CSGALNACT1: variants seen among roughly 807,000 people sequenced by gnomAD.
The protein encoded by CSGALNACT1 is beta4GalNAcT-1.
CSGALNACT1 carries 52 observed loss-of-function variants against 51.0 expected under a neutral mutation model. The ratio of observed to expected loss-of-function variants is 1.02; its 90% CI spans 0.82 to 1.29. The LOEUF is 1.29. Among genes scored for constraint, CSGALNACT1 ranks in the 50% most tolerant of loss-of-function variants. The probability of loss-of-function intolerance (pLI) is 0.00; values close to 1 mark genes in which losing one functional copy is unlikely to be tolerated. For missense variants in CSGALNACT1, 935 were observed against 679.2 expected, an observed-to-expected ratio of 1.38 and a Z score of -4.19; for synonymous variants, 341 against 254.4, an observed-to-expected ratio of 1.34 and a Z score of -3.24.
At chr8:19,548,076 G>T (rs1256595156) in intron 3 of CSGALNACT1, among the ~76,000 whole-genome samples, 1 of 152,234 alleles carries the variant, frequency 6.6e-6, no homozygotes, top group Non-Finnish European at 1.5e-5. Context: ...GCTGGAAGTA[G>T]ACTATTATTG....
intron 6 of CSGALNACT1, among the ~76,000 whole-genome samples, chr8:19,439,570 C>T (rs918438365): frequency 6.6e-6 from 1 of 152,200 alleles, no homozygotes; most frequent in Non-Finnish European, 1.5e-5. Flanking sequence ...AAGGAGCTCA[C>T]ACTCCCCTCA....
At chr8:19,443,571 C>T (rs1029409672) in intron 5 of CSGALNACT1, among the ~76,000 whole-genome samples, 1 of 152,142 alleles carries the variant, frequency 6.6e-6, no homozygotes, top group Non-Finnish European at 1.5e-5. Context: ...AGAGCTTGTG[C>T]AGGGGGATTC....
intron 1 of CSGALNACT1, among the ~76,000 whole-genome samples, chr8:19,651,805 G>C (rs899571468): frequency 3.3e-5 from 5 of 152,136 alleles, no homozygotes; most frequent in African/African-American, 9.7e-5. Flanking sequence ...GGGTTAAATA[G>C]TGTTTTGAAG....
At chr8:19,719,484 C>T (rs1318597880) in intron 1 of CSGALNACT1, among the ~76,000 whole-genome samples, 2 of 152,202 alleles carry the variant, frequency 1.3e-5, no homozygotes, top group Non-Finnish European at 2.9e-5. Context: ...GTACATTAAA[C>T]ATCACAAAGG....
chr8:19,650,899 T>A (rs2057746268), intron 1 of CSGALNACT1, among the ~76,000 whole-genome samples: 1 of 152,138 alleles, frequency 6.6e-6, no homozygotes, highest in East Asian at 1.9e-4. Flanking sequence ...GTTGCTCCCG[T>A]GTCCTTAGCA....
At chr8:19,709,316 A>T (rs957664528) in intron 1 of CSGALNACT1, among the ~76,000 whole-genome samples, 4 of 152,216 alleles carry the variant, frequency 2.6e-5, no homozygotes, top group African/African-American at 9.6e-5. Flanking sequence ...ATATGTATAT[A>T]TTATACCAGG....
chr8:19,528,818 C>G (rs1229970713), intron 3 of CSGALNACT1, among the ~76,000 whole-genome samples: 1 of 152,076 alleles, frequency 6.6e-6, no homozygotes, highest in Non-Finnish European at 1.5e-5. Context: ...AGGGAACTGA[C>G]AGAACTCAGA....
chr8:19,522,433 T>A (rs1305382476), intron 3 of CSGALNACT1, among the ~76,000 whole-genome samples: 1 of 152,182 alleles, frequency 6.6e-6, no homozygotes, highest in African/African-American at 2.4e-5. Flanking sequence ...AAAACCATAG[T>A]AAATTTGAAA....
At chr8:19,520,748 C>A (rs765612442) in intron 3 of CSGALNACT1, among the ~76,000 whole-genome samples, 1 of 152,180 alleles carries the variant, frequency 6.6e-6, no homozygotes, top group East Asian at 1.9e-4. Flanking sequence ...ATAATTATAA[C>A]CCCATGCTAT....
chr8:19,583,724 T>C (rs2046055250), intron 3 of CSGALNACT1, among the ~76,000 whole-genome samples: 3 of 152,232 alleles, frequency 2.0e-5, no homozygotes, highest in Admixed American at 6.5e-5. Context: ...TTTCAGCTTA[T>C]ACTCTTCATT....
intron 1 of CSGALNACT1, among the ~76,000 whole-genome samples, chr8:19,651,119 A>C (rs933835102): frequency 1.3e-5 from 2 of 152,214 alleles, no homozygotes; most frequent in African/African-American, 4.8e-5. Flanking sequence ...GATGGTGGGC[A>C]GTTCAGGTTT....
At chr8:19,567,762 A>G (rs1411622184) in intron 3 of CSGALNACT1, among the ~76,000 whole-genome samples, 3 of 152,202 alleles carry the variant, frequency 2.0e-5, no homozygotes, top group Non-Finnish European at 2.9e-5. Flanking sequence ...ATGAAAACAC[A>G]TATAAAATAT....
At chr8:19,716,017 T>C (rs1418512310) in intron 1 of CSGALNACT1, among the ~76,000 whole-genome samples, 2 of 152,238 alleles carry the variant, frequency 1.3e-5, no homozygotes, top group Non-Finnish European at 2.9e-5. Flanking sequence ...TAGTAGGGAA[T>C]GAGGGTCGGA....
intron 3 of CSGALNACT1, among the ~76,000 whole-genome samples, chr8:19,522,500 G>A (rs956180135): frequency 6.6e-6 from 1 of 152,192 alleles, no homozygotes; most frequent in Non-Finnish European, 1.5e-5. Context: ...AGGGATCCTG[G>A]GAGATTTTAA....
exon 8 of CSGALNACT1, chr8:19,418,735 T>A: frequency 6.2e-7 from 1 of 1,610,316 alleles, no homozygotes; most frequent in Non-Finnish European, 8.5e-7. Flanking sequence ...AAGAACTGGA[T>A]AAAATACCTT....
chr8:19,453,268 A>C (rs535928527), intron 5 of CSGALNACT1, among the ~76,000 whole-genome samples: 3 of 152,214 alleles, frequency 2.0e-5, no homozygotes, highest in African/African-American at 7.2e-5. Context: ...GAAAACAATA[A>C]AACAACAGAA....
intron 1 of CSGALNACT1, among the ~76,000 whole-genome samples, chr8:19,695,575 A>G (rs1306679653): frequency 6.6e-6 from 1 of 152,246 alleles, no homozygotes; most frequent in Non-Finnish European, 1.5e-5. Context: ...ATTCAAAGTA[A>G]AATTAAAGCA....
chr8:19,530,096 C>T (rs1022497560), intron 3 of CSGALNACT1, among the ~76,000 whole-genome samples: 1 of 151,990 alleles, frequency 6.6e-6, no homozygotes, highest in African/African-American at 2.4e-5. Context: ...GTGGTGCGTG[C>T]CTGTAATCCC....
chr8:19,424,288 A>G lies in CSGALNACT1; in HGVS notation c.954-3770T>C, dbSNP rs541617018. 2.6e-5 allele frequency among the ~76,000 whole-genome samples: 4 copies of G among 152,266 alleles called. No individual in the cohort carries two copies. The South Asian group carries it at 8.3e-4, about 32-fold the overall frequency. On this transcript the variant is annotated intron_variant, in intron 6 of 9. Transcript: ENST00000454498. ...ACTCTGTCATCCATCTGTGTTTCCCAGGGTGGCTGCCAGGTCATTATGCTC... is the reference window on the plus strand; with the variant it reads ...ACTCTGTCATCCATCTGTGTTTCCCGGGGTGGCTGCCAGGTCATTATGCTC...
Sources: allele counts gnomAD v4.1 joint callset (sites outside exome capture counted in the v4.1 genomes callset), GRCh38; gene constraint gnomAD v4.1.1; transcripts MANE v1.5; gene names NCBI Gene and HGNC (gene_info 2026-07-23, HGNC 2026-07-21).